SETX: variants seen among roughly 807,000 people sequenced by gnomAD.
SETX encodes the protein senataxin.
A neutral mutation model predicts 227.2 loss-of-function variants in SETX; 90 were observed. The ratio of observed to expected loss-of-function variants is 0.40; its 90% confidence interval spans 0.33 to 0.47. The LOEUF is 0.47. Ranked by LOEUF, SETX falls within the 20% of genes least tolerant of loss-of-function variation. SETX has a pLI of 0.91. For missense variants in SETX, 3,052 were observed against 3,181.5 expected, an observed-to-expected ratio of 0.96 and a Z score of 0.98; for synonymous variants, 1,210 against 1,113.2, an observed-to-expected ratio of 1.09 and a Z score of -1.73.
chr9:132,347,190 T>G (rs1397643341), intron 3 of SETX, among the ~76,000 whole-genome samples: 2 of 150,448 alleles, frequency 1.3e-5, no homozygotes. Flanking sequence ...AGGCGGAGGT[T>G]GCAGTGAGCC....
chr9:132,287,290 C>G (rs1346099602), intron 17 of SETX, among the ~76,000 whole-genome samples: 1 of 152,048 alleles, frequency 6.6e-6, no homozygotes, highest in South Asian at 2.1e-4. Context: ...TTCAGACCAC[C>G]CTGGGCAACA....
chr9:132,302,273 C>T (rs10901153), intron 11 of SETX, among the ~76,000 whole-genome samples: 36,827 of 148,312 alleles, frequency 0.25, 5,675 homozygotes, highest in East Asian at 0.66. Context: ...AGGAGAATGA[C>T]GTGAACCCAG....
chr9:132,277,972 C>G, intron 21 of SETX, 98 bp downstream of exon 21: 4 of 1,185,220 alleles, frequency 3.4e-6, no homozygotes, highest in Non-Finnish European at 3.7e-6. Flanking sequence ...ATGATTTATG[C>G]TTTTTATGAC....
chr9:132,348,072 A>G (rs115775659), intron 3 of SETX, among the ~76,000 whole-genome samples: 2,764 of 151,362 alleles, frequency 0.018, 104 homozygotes, highest in African/African-American at 0.063. Flanking sequence ...AAAAAAAAAA[A>G]CCCTGGCCAG....
At chr9:132,269,903 C>G (rs113050051) in intron 24 of SETX, among the ~76,000 whole-genome samples, 1 of 133,880 alleles carries the variant, frequency 7.5e-6, no homozygotes, top group East Asian at 2.5e-4. Context: ...TCTAGAATGA[C>G]TCAGCATCCT....
chr9:132,311,372 A>G (rs1845641701), intron 11 of SETX, among the ~76,000 whole-genome samples: 1 of 152,146 alleles, frequency 6.6e-6, no homozygotes, highest in Admixed American at 6.5e-5. Context: ...TGGTGTATTT[A>G]TAACTAGTAT....
In SETX at chr9:132,300,812, C is replaced by G. The variant is rs1239409311; in HGVS notation, c.5375-9G>C. The G allele has an allele frequency of 1.9e-6, 3 of 1,610,890 alleles. No homozygotes were observed. Among genetic ancestry groups the G allele is most frequent in the African/African-American group, 2.7e-5 (2 of 74,810 alleles). Reference sequence around the variant, plus strand: ...ACATTCTTCCAGATAAACTATGAAACAAGAAGAAGTCGGAATTCATATAAC... The same window carrying G: ...ACATTCTTCCAGATAAACTATGAAAGAAGAAGAAGTCGGAATTCATATAAC... On this transcript the variant is annotated splice_polypyrimidine_tract_variant and intron_variant, in intron 11 of 25. Coordinates refer to ENST00000224140, the MANE Select transcript of SETX (RefSeq NM_015046.7).
chr9:132,329,758 T>C lies in SETX; in HGVS notation c.1840A>G (p.Ile614Val), dbSNP rs1318709540. 6.2e-7 allele frequency: 1 copy of C among 1,614,112 alleles called. No homozygotes were observed. The highest frequency in any genetic ancestry group is 8.5e-7 in the Non-Finnish European group (1 of 1,179,996). Residue 614 changes from isoleucine (I) to valine (V), a missense_variant, in exon 10 of 26, where the codon ATC (isoleucine) becomes GTC (valine). Physicochemically the swap from Ile to Val is conservative, Grantham distance 29. Coordinates refer to ENST00000224140, the MANE Select transcript of SETX (RefSeq NM_015046.7). ...TCTTTATTATAAGATGCAGGAGAGA[T>C]TTTACATGCAGAAGTCAGATCCACA... ...TFVDLTSACK[I>V]SPASYNKEES...
chr9:132,351,423 T>C (rs762693188), intron 2 of SETX, among the ~76,000 whole-genome samples: 21 of 152,258 alleles, frequency 1.4e-4, no homozygotes, highest in Non-Finnish European at 2.9e-4. Flanking sequence ...AGAAACCTTC[T>C]ATTAAGAAAA....
At chr9:132,287,758 C>CA (rs1477448482) in intron 17 of SETX, among the ~76,000 whole-genome samples, 10 of 121,180 alleles carry the variant, frequency 8.3e-5, no homozygotes, top group African/African-American at 3.4e-4. Context: ...AAATTAAAAC[C>CA]AAAAGGACAA....
intron 23 of SETX, chr9:132,274,868 G>C: frequency 5.2e-6 from 1 of 191,646 alleles, no homozygotes; most frequent in Non-Finnish European, 1.1e-5. Flanking sequence ...GCTGAGGTAA[G>C]AAGGAAACAA....
chr9:132,326,815 T>C lies in SETX; in HGVS notation c.4783A>G (p.Thr1595Ala). 10 of 1,614,186 alleles carry C rather than the reference T, an allele frequency of 6.2e-6. No homozygotes were observed. Among genetic ancestry groups the C allele is most frequent in the Non-Finnish European group, 8.5e-6 (10 of 1,180,010 alleles). ...PPPASKPLRP[T>A]TKIFSSKSTS... ...CTCTTTGAGCTAAAAATCTTAGTGGTAGGTCTCAAAGGTTTAGATGCAGGA... is the reference window on the plus strand; with the variant it reads ...CTCTTTGAGCTAAAAATCTTAGTGGCAGGTCTCAAAGGTTTAGATGCAGGA... Residue 1595 changes from threonine (T) to alanine (A), a missense_variant, in exon 10 of 26, where the codon ACC becomes GCC. Physicochemically the swap from Thr to Ala is moderately conservative, Grantham distance 58. This residue lies in a region of SETX where 1,483 missense variants were observed against 1,312.0 expected (regional missense o/e 1.13). Coordinates refer to ENST00000224140, the MANE Select transcript of SETX (RefSeq NM_015046.7).
chr9:132,271,301 C>T (rs568564757), intron 24 of SETX, among the ~76,000 whole-genome samples: 21 of 152,216 alleles, frequency 1.4e-4, no homozygotes, highest in African/African-American at 3.4e-4. Context: ...CAGTGACTCA[C>T]GCCTGTAATC....
At chr9:132,349,196 T>TA (rs923426861) in intron 3 of SETX, 56 bp downstream of exon 3, 4 of 1,526,890 alleles carry the variant, frequency 2.6e-6, no homozygotes, top group Non-Finnish European at 3.6e-6. Flanking sequence ...AGTTCAAACT[T>TA]ACTCTCTTCC....
intron 11 of SETX, 43 bp from the exon 12 acceptor site, chr9:132,300,846 A>G (rs781085717): frequency 2.0e-6 from 3 of 1,508,800 alleles, no homozygotes; most frequent in South Asian, 2.4e-5. Flanking sequence ...ACTCTAATAG[A>G]ATTATTTTAA....
At chr9:132,277,036 G>A in intron 22 of SETX, 24 bp downstream of exon 22, 2 of 1,577,330 alleles carry the variant, frequency 1.3e-6, no homozygotes, top group South Asian at 1.1e-5. Context: ...ACTATCAGAG[G>A]ACTGAGGCAA....
At chr9:132,342,052 G>A (rs994959973) in intron 5 of SETX, among the ~76,000 whole-genome samples, 5 of 151,920 alleles carry the variant, frequency 3.3e-5, no homozygotes, top group Admixed American at 6.6e-5. Context: ...TTTAAAAAAC[G>A]TAATTTTTCT....
In SETX at chr9:132,326,632, A is replaced by G. The variant is rs994784973; in HGVS notation, c.4966T>C (p.Cys1656Arg). The part of the protein sequence containing the change: ...QKPVGEMKNS[C>R]NVLHPQSPNN... Reference sequence around the variant, plus strand: ...GGAGACTGAGGATGAAGAACATTGCACGAATTCTTCATTTCACCAACTGGC... The same window carrying G: ...GGAGACTGAGGATGAAGAACATTGCGCGAATTCTTCATTTCACCAACTGGC... Residue 1656 changes from cysteine to arginine, a missense_variant, in exon 10 of 26, where the codon TGC becomes CGC. Cys to Arg is a radical substitution (Grantham distance 180, BLOSUM62 -3). Around this residue, in one of 10 missense-constraint regions of SETX, gnomAD observed 1,483 missense variants for 1,312.0 expected, o/e 1.13. Coordinates refer to ENST00000224140, the MANE Select transcript of SETX (RefSeq NM_015046.7). 6.2e-7 allele frequency: 1 copy of G among 1,614,224 alleles called. No individual in the cohort carries two copies. The highest frequency in any genetic ancestry group is 1.3e-5 in the African/African-American group (1 of 75,062).
chr9:132,346,406 A>C lies in SETX; in HGVS notation c.243T>G (p.Ile81Met). Residue 81 changes from isoleucine (I) to methionine (M), a missense_variant, in exon 4 of 26, where the codon ATT (isoleucine) becomes ATG (methionine). This residue lies in a region of SETX where 152 missense variants were observed against 156.2 expected (regional missense o/e 0.97). Coordinates refer to ENST00000224140, the MANE Select transcript of SETX (RefSeq NM_015046.7). ...CTATATATAACTCATCATCATCTCCAATTTCTGCCTTCATGGATTTTTCAA... is the reference window on the plus strand; with the variant it reads ...CTATATATAACTCATCATCATCTCCCATTTCTGCCTTCATGGATTTTTCAA... ...NHFEKSMKAE[I>M]GDDDELYIVD... The C allele has an allele frequency of 6.2e-7, 1 of 1,613,754 alleles. No homozygotes were observed. The highest frequency in any genetic ancestry group is 1.7e-4 in the Middle Eastern group (1 of 6,058).
Sources: gnomAD v4.1 joint callset for allele counts (sites outside exome capture counted in the v4.1 genomes callset) on GRCh38, gnomAD v4.1.1 for gene constraint, gnomAD v4.1.1 regional missense constraint, MANE v1.5 for transcripts, NCBI Gene and HGNC (gene_info 2026-07-23, HGNC 2026-07-21) for gene names.